ASIC2: variants seen among roughly 807,000 people sequenced by gnomAD.
ASIC2 encodes the protein acid sensing ion channel subunit 2.
In ASIC2, 25 loss-of-function variants were observed where a neutral mutation model predicts 57.3. The ratio of observed to expected loss-of-function variants is 0.44; its 90% CI spans 0.32 to 0.61. The LOEUF (loss-of-function observed/expected upper bound fraction) is 0.61, where lower values mean the gene tolerates loss of function less well. Ranked by LOEUF, ASIC2 falls within the 20% of genes least tolerant of loss-of-function variation. The probability of loss-of-function intolerance (pLI) is 0.06; values close to 1 mark genes in which losing one functional copy is unlikely to be tolerated. For synonymous variants in ASIC2, 319 were observed against 307.5 expected (o/e 1.04, Z -0.39); for missense variants, 641 against 738.1 (o/e 0.87, Z 1.52).
chr17:33,300,231 T>A (rs1481047292), intron 1 of ASIC2, among the ~76,000 whole-genome samples: 2 of 152,236 alleles, frequency 1.3e-5, no homozygotes, highest in African/African-American at 4.8e-5. Context: ...AGTCTTTATA[T>A]GCCCTTTTTT....
intron 1 of ASIC2, among the ~76,000 whole-genome samples, chr17:33,208,122 G>A (rs1331154966): frequency 1.3e-5 from 2 of 152,166 alleles, no homozygotes; most frequent in Admixed American, 1.3e-4. Flanking sequence ...CCCCTGACTG[G>A]GGGAGGTAAA....
chr17:33,382,527 A>C (rs770762053), intron 1 of ASIC2, among the ~76,000 whole-genome samples: 1 of 152,164 alleles, frequency 6.6e-6, no homozygotes. Context: ...TCAGCCCCAT[A>C]CTATGTGAAG....
intron 1 of ASIC2, among the ~76,000 whole-genome samples, chr17:34,079,522 C>T (rs1909799879): frequency 6.6e-6 from 1 of 152,200 alleles, no homozygotes; most frequent in Admixed American, 6.5e-5. Context: ...TGTGTTCCCA[C>T]CTAGTGAATC....
intron 1 of ASIC2, among the ~76,000 whole-genome samples, chr17:33,800,581 G>T (rs559509448): frequency 1.4e-4 from 22 of 152,246 alleles, no homozygotes; most frequent in Middle Eastern, 3.4e-3. Context: ...TAATCAAGGG[G>T]TAGTTGTTAA....
intron 1 of ASIC2, among the ~76,000 whole-genome samples, chr17:33,151,578 A>G (rs1904802206): frequency 6.6e-6 from 1 of 152,122 alleles, no homozygotes; most frequent in African/African-American, 2.4e-5. Context: ...GGGACTTTTA[A>G]GGGGTGTTTA....
chr17:33,404,900 A>G (rs1910413712), intron 1 of ASIC2, among the ~76,000 whole-genome samples: 1 of 152,154 alleles, frequency 6.6e-6, no homozygotes, highest in African/African-American at 2.4e-5. Context: ...TATAGCAAGT[A>G]CCCTATAGAA....
chr17:33,295,956 T>C (rs1248742451), upstream of ASIC2, among the ~76,000 whole-genome samples: 1 of 152,032 alleles, frequency 6.6e-6, no homozygotes, highest in East Asian at 1.9e-4. Context: ...AGTGCTGGGA[T>C]TACAGGAGTG....
intron 1 of ASIC2, among the ~76,000 whole-genome samples, chr17:33,267,569 T>A (rs1909510672): frequency 6.6e-6 from 1 of 152,210 alleles, no homozygotes; most frequent in African/African-American, 2.4e-5. Flanking sequence ...GTTTTCTGCC[T>A]TCGGGAAACT....
At chr17:33,473,494 A>G (rs1186115863) in intron 1 of ASIC2, among the ~76,000 whole-genome samples, 6 of 152,020 alleles carry the variant, frequency 3.9e-5, no homozygotes, top group Non-Finnish European at 8.8e-5. Context: ...TTGGGGATGC[A>G]TCAAGCAGGA....
At chr17:34,131,579 G>C (rs1330174843) in intron 1 of ASIC2, among the ~76,000 whole-genome samples, 1 of 152,226 alleles carries the variant, frequency 6.6e-6, no homozygotes, top group Non-Finnish European at 1.5e-5. Context: ...GCCTGGGCAC[G>C]CAACCATTCC....
intron 1 of ASIC2, among the ~76,000 whole-genome samples, chr17:33,389,906 C>T (rs1398571116): frequency 3.3e-5 from 5 of 152,200 alleles, no homozygotes; most frequent in African/African-American, 1.2e-4. Context: ...CAATACACTT[C>T]ATCAAGCAAG....
intron 1 of ASIC2, among the ~76,000 whole-genome samples, chr17:33,753,392 C>T (rs191311284): frequency 1.5e-4 from 23 of 152,250 alleles, no homozygotes; most frequent in Admixed American, 5.2e-4. Context: ...GTAGTGGACA[C>T]ACGTCATCAT....
At chr17:33,427,847 C>T (rs1282335457) in intron 1 of ASIC2, among the ~76,000 whole-genome samples, 1 of 152,174 alleles carries the variant, frequency 6.6e-6, no homozygotes, top group Non-Finnish European at 1.5e-5. Context: ...ACCAAGAGGA[C>T]ATTGTGGAAA....
At chr17:33,906,548 G>T (rs1915354636) in intron 1 of ASIC2, among the ~76,000 whole-genome samples, 1 of 152,186 alleles carries the variant, frequency 6.6e-6, no homozygotes, top group Non-Finnish European at 1.5e-5. Context: ...GGTACATTAA[G>T]AGGTTCAAGG....
chr17:33,863,191 G>C (rs1016834723), intron 1 of ASIC2, among the ~76,000 whole-genome samples: 1 of 152,242 alleles, frequency 6.6e-6, no homozygotes, highest in Non-Finnish European at 1.5e-5. Flanking sequence ...AGGCCACATA[G>C]CTTGCAGCAG....
intron 1 of ASIC2, among the ~76,000 whole-genome samples, chr17:33,472,596 C>T (rs1405068919): frequency 1.3e-5 from 2 of 152,174 alleles, no homozygotes; most frequent in South Asian, 4.1e-4. Flanking sequence ...TTGATCTCTT[C>T]ACCCAAAGTG....
chr17:33,793,674 T>C (rs942840835), intron 1 of ASIC2: 2 of 152,234 alleles, frequency 1.3e-5, no homozygotes, highest in Non-Finnish European at 2.9e-5. Flanking sequence ...TTGCTTCAGA[T>C]TGTAAGCTTC....
intron 1 of ASIC2, among the ~76,000 whole-genome samples, chr17:33,884,740 A>C (rs1388876536): frequency 1.3e-5 from 2 of 151,644 alleles, no homozygotes; most frequent in African/African-American, 4.8e-5. Context: ...CCTAAGCTAG[A>C]TTCACTCTTT....
At chr17:33,102,888 A>G (rs1490179015) in intron 2 of ASIC2, among the ~76,000 whole-genome samples, 1 of 152,092 alleles carries the variant, frequency 6.6e-6, no homozygotes, top group Non-Finnish European at 1.5e-5. Flanking sequence ...GGTTCACGCC[A>G]TTCTCCTGCC....
Sources: gnomAD v4.1 joint callset for allele counts (sites outside exome capture counted in the v4.1 genomes callset) on GRCh38, gnomAD v4.1.1 for gene constraint, MANE v1.5 for transcripts, NCBI Gene and HGNC (gene_info 2026-07-23, HGNC 2026-07-21) for gene names.